The following ARMC9 variants were observed in gnomAD, a reference collection of about 807,000 sequenced individuals.
ARMC9 encodes the protein lisH domain-containing protein ARMC9.
A neutral mutation model predicts 107.0 loss-of-function variants in ARMC9; 94 were observed. The ratio of observed to expected loss-of-function variants is 0.88; its 90% CI spans 0.74 to 1.04. The LOEUF (loss-of-function observed/expected upper bound fraction) is 1.04. ARMC9 is among the 50% of genes least tolerant of loss of function. The pLI, the probability that ARMC9 is intolerant of heterozygous loss-of-function variation, is 0.00. For synonymous variants in ARMC9, 380 were observed against 396.9 expected (o/e 0.96, Z 0.51); for missense variants, 942 against 1,030.1 (o/e 0.91, Z 1.17).
At chr2:231,216,899 G>T (rs1407569661) in intron 5 of ARMC9, 106 bp downstream of exon 5, 6 of 1,287,086 alleles carry the variant, frequency 4.7e-6, no homozygotes, top group Non-Finnish European at 6.4e-6. Flanking sequence ...ACTAAAATTT[G>T]CTTACATTAG....
At chr2:231,257,614 C>T (rs2037951670) in intron 10 of ARMC9, among the ~76,000 whole-genome samples, 1 of 152,136 alleles carries the variant, frequency 6.6e-6, no homozygotes, top group African/African-American at 2.4e-5. Flanking sequence ...AAAAGCCCAC[C>T]CCTGCTACCC....
intron 6 of ARMC9, 85 bp from the exon 7 acceptor site, chr2:231,226,689 C>T (rs2034672578): frequency 5.4e-6 from 8 of 1,472,518 alleles, no homozygotes; most frequent in South Asian, 1.1e-5. Context: ...TGCTGAGGTG[C>T]TTTCTCACAT....
chr2:231,265,988 A>C (rs1243124406), intron 12 of ARMC9, among the ~76,000 whole-genome samples: 1 of 150,018 alleles, frequency 6.7e-6, no homozygotes, highest in Non-Finnish European at 1.5e-5. Flanking sequence ...GCAGACTGAG[A>C]CGCCATCTAA....
Position 231,214,834 on chromosome 2 carries a change from G to C in ARMC9, c.181G>C (p.Asp61His), listed in dbSNP as rs987535513. Residue 61 changes from aspartate to histidine, a missense_variant, in exon 4 of 25, where the codon GAT becomes CAT. By Grantham distance (81) the Asp-to-His change is moderately conservative (BLOSUM62 -1). Transcript: ENST00000611582. The stretch of plus-strand genomic sequence containing the variant: ...TAGTCTGATGTCTTCTCCACAGAAG[G>C]ATCTTGTCGCTGCATTTGACAACGG... ...RDSKSLTIQKDLVAAFDNGDQ... is the reference protein window; with the variant it reads ...RDSKSLTIQKHLVAAFDNGDQ... 1.2e-6 allele frequency: 2 copies of C among 1,613,942 alleles called. No individual in the cohort carries two copies. The highest frequency in any genetic ancestry group is 1.7e-6 in the Non-Finnish European group (2 of 1,179,954).
At chr2:231,341,018 C>T (rs2044469063) in intron 20 of ARMC9, among the ~76,000 whole-genome samples, 1 of 152,050 alleles carries the variant, frequency 6.6e-6, no homozygotes, top group African/African-American at 2.4e-5. Context: ...GCCTCAGCAA[C>T]AATAGGAAGG....
intron 19 of ARMC9, among the ~76,000 whole-genome samples, chr2:231,321,620 A>G (rs767839059): frequency 2.0e-5 from 3 of 152,042 alleles, no homozygotes; most frequent in Non-Finnish European, 4.4e-5. Flanking sequence ...GCCCATCTTC[A>G]CTTGCTCCAG....
intron 19 of ARMC9, among the ~76,000 whole-genome samples, chr2:231,310,835 C>T (rs2042306281): frequency 6.6e-6 from 1 of 151,174 alleles, no homozygotes; most frequent in Admixed American, 6.6e-5. Context: ...AATAGAAAGA[C>T]AGAAAAGCAG....
intron 9 of ARMC9, among the ~76,000 whole-genome samples, chr2:231,252,398 C>T (rs1032997367): frequency 6.6e-6 from 1 of 151,968 alleles, no homozygotes; most frequent in Non-Finnish European, 1.5e-5. Flanking sequence ...TACAGGCGCC[C>T]GCCACCATGC....
intron 21 of ARMC9, among the ~76,000 whole-genome samples, chr2:231,348,877 C>T (rs2044918982): frequency 6.6e-6 from 1 of 152,192 alleles, no homozygotes; most frequent in African/African-American, 2.4e-5. Context: ...CAACACTACA[C>T]TGAGATACCC....
Position 231,371,711 on chromosome 2 carries a change from C to A in ARMC9, c.*176C>A. 1.7e-6 allele frequency: 1 copy of A among 593,932 alleles called. No individual in the cohort carries two copies. Among genetic ancestry groups the A allele is most frequent in the Non-Finnish European group, 2.5e-6 (1 of 405,586 alleles). The allele number at this position is 593,932 out of a possible 1,614,324, so 36.8% of individuals were successfully genotyped here. On this transcript the variant is annotated 3_prime_UTR_variant, in exon 25 of 25. Transcript: ENST00000611582. ...AGCAAGGCCATCGCAGCCCCGCCAG[C>A]CGGGTCACTTTCTCCCAGGGCAGAG...
At chr2:231,270,756 G>A in intron 12 of ARMC9, 1 of 663,940 alleles carries the variant, frequency 1.5e-6, no homozygotes. Context: ...AGGGCTTCGT[G>A]TAATTAATTC....
intron 9 of ARMC9, among the ~76,000 whole-genome samples, chr2:231,244,598 G>A (rs1361677539): frequency 6.6e-6 from 1 of 152,086 alleles, no homozygotes; most frequent in African/African-American, 2.4e-5. Flanking sequence ...TCAAACTCCT[G>A]GGCTCAAGCA....
In ARMC9 at chr2:231,376,810, C is replaced by T. The variant is rs952731451; in HGVS notation, c.*5275C>T. Among the ~76,000 whole-genome samples the T allele has an allele frequency of 3.3e-5, 5 of 152,082 alleles. No homozygotes were observed. The highest frequency in any genetic ancestry group is 2.1e-4 in the South Asian group (1 of 4,824). On this transcript the variant is annotated 3_prime_UTR_variant, in exon 25 of 25. Transcript: ENST00000611582. ...TGTGGGGCATCACGGATCCTACCAA[C>T]GTGTGATGTCTCCCCCGGACACCCA...
rs1392183897 is a variant in ARMC9, at chr2:231,361,004, G to A, written c.2261+121G>A. 5.0e-6 allele frequency: 7 copies of A among 1,388,788 alleles called. No individual in the cohort carries two copies. The Admixed American group carries it at 8.6e-5, about 17-fold the overall frequency. The allele number at this position is 1,388,788 out of a possible 1,614,324, so 86.0% of individuals were successfully genotyped here. A position where few individuals can be genotyped will look rare whatever the true frequency, so the allele number is the denominator to read the frequency against. On this transcript the variant is annotated intron_variant, in intron 23 of 24. Coordinates refer to ENST00000611582, the MANE Select transcript of ARMC9 (RefSeq NM_001352754.2). ...CTCCTCTGAGGCCCAGCCTCTGACA[G>A]GGGAGGCTAAGGAGCAGTGTCAAGA... is the stretch of plus-strand genomic sequence containing the variant.
At chr2:231,256,446 TAA>T (rs376282515) in intron 9 of ARMC9, 138 bp from the exon 10 acceptor site, 20 of 955,134 alleles carry the variant, frequency 2.1e-5, no homozygotes, top group African/African-American at 3.6e-5. Context: ...TGTTTCAAGT[TAA>T]AAAAAAAAAC....
Position 231,201,203 on chromosome 2 carries a change from G to A in ARMC9, c.-42+2505G>A, listed in dbSNP as rs116732055. On this transcript the variant is annotated intron_variant, in intron 1 of 24. Transcript: ENST00000611582. ...TTGCATCTGGCAGGGCTGGTGTGGT[G>A]CATGGGGAGGTGTCCTCCCTGCTCC... Among the ~76,000 whole-genome samples the A allele has an allele frequency of 4.1e-3, 623 of 152,298 alleles. 7 individuals are homozygous for A. The highest frequency in any genetic ancestry group is 0.014 in the African/African-American group (590 of 41,572).
chr2:231,359,799 G>A (rs985647325), intron 22 of ARMC9, among the ~76,000 whole-genome samples: 4 of 152,208 alleles, frequency 2.6e-5, no homozygotes, highest in Admixed American at 6.5e-5. Flanking sequence ...AGTGCCACCC[G>A]CTGGGTTCTG....
intron 19 of ARMC9, among the ~76,000 whole-genome samples, chr2:231,307,395 G>C (rs947601391): frequency 1.3e-5 from 2 of 152,204 alleles, no homozygotes; most frequent in African/African-American, 4.8e-5. Context: ...CAATAAAGGA[G>C]ATGGTTGGGG....
At chr2:231,313,813 G>A (rs1342435911) in intron 19 of ARMC9, among the ~76,000 whole-genome samples, 3 of 151,742 alleles carry the variant, frequency 2.0e-5, no homozygotes, top group African/African-American at 7.3e-5. Flanking sequence ...GGAGTGCAGG[G>A]GTGCAATCAC....
Sources: gnomAD v4.1 joint callset for allele counts (sites outside exome capture counted in the v4.1 genomes callset) on GRCh38, gnomAD v4.1.1 for gene constraint, MANE v1.5 for transcripts, NCBI Gene and HGNC (gene_info 2026-07-23, HGNC 2026-07-21) for gene names.